The following LTBP2 variants were observed in gnomAD, a reference collection of about 807,000 sequenced individuals.
LTBP2 encodes the protein latent-transforming growth factor beta-binding protein 2.
Under a neutral mutation model 210.6 loss-of-function variants are expected in LTBP2, and 103 were observed. The observed-to-expected ratio is 0.49, with a 90% CI of 0.42 to 0.58. The LOEUF is 0.58. LTBP2 is among the 20% of genes least tolerant of loss of function. The pLI is 0.00. For missense variants in LTBP2, 2,313 were observed against 2,494.5 expected, an observed-to-expected ratio of 0.93 and a Z score of 1.55; for synonymous variants, 1,007 against 1,015.0, an observed-to-expected ratio of 0.99 and a Z score of 0.15.
Position 74,500,023 on chromosome 14 carries a change from A to T in LTBP2, c.*861T>A. 4.3e-6 allele frequency: 1 copy of T among 232,142 alleles called. No individual in the cohort carries two copies. The highest frequency in any genetic ancestry group is 8.5e-6 in the Non-Finnish European group (1 of 117,354). 14.4% of individuals were successfully genotyped at this position (232,142 alleles called of 1,614,324 possible). A position where few individuals can be genotyped will look rare whatever the true frequency, so the allele number is the denominator to read the frequency against. The stretch of plus-strand genomic sequence containing the variant: ...CAGAAGAGGTTTGTTTCCTGTAAGA[A>T]GCAGTGTTTATGTAATAGAGGTCTT... On this transcript the variant is annotated 3_prime_UTR_variant, in exon 36 of 36. Coordinates refer to ENST00000261978, the MANE Select transcript of LTBP2 (RefSeq NM_000428.3).
At chr14:74,590,068 G>A (rs1274716074) in intron 2 of LTBP2, among the ~76,000 whole-genome samples, 1 of 152,200 alleles carries the variant, frequency 6.6e-6, no homozygotes, top group Non-Finnish European at 1.5e-5. Flanking sequence ...CGTCATCAGG[G>A]AAATGCAAAT....
At chr14:74,604,999 A>C (rs2088504380) in intron 1 of LTBP2, among the ~76,000 whole-genome samples, 1 of 152,134 alleles carries the variant, frequency 6.6e-6, no homozygotes, top group Non-Finnish European at 1.5e-5. Flanking sequence ...TCTCCTGGAG[A>C]TCTCTAGGGA....
intron 17 of LTBP2, among the ~76,000 whole-genome samples, chr14:74,517,804 C>T (rs2087154724): frequency 6.6e-6 from 1 of 152,230 alleles, no homozygotes; most frequent in African/African-American, 2.4e-5. Context: ...GGTGTCCCAT[C>T]ATCTAAAGCC....
At chr14:74,592,992 T>C (rs1022392187) in intron 2 of LTBP2, among the ~76,000 whole-genome samples, 2 of 152,026 alleles carry the variant, frequency 1.3e-5, no homozygotes. Flanking sequence ...ATTAGAGAGG[T>C]GGAAAGTCCC....
At chr14:74,593,628 A>C (rs2088313616) in intron 2 of LTBP2, among the ~76,000 whole-genome samples, 1 of 152,220 alleles carries the variant, frequency 6.6e-6, no homozygotes, top group Admixed American at 6.5e-5. Context: ...TTCAGATTAA[A>C]TAAAATTTAA....
intron 28 of LTBP2, 112 bp downstream of exon 28, chr14:74,505,936 G>A: frequency 6.9e-7 from 1 of 1,458,562 alleles, no homozygotes; most frequent in East Asian, 2.3e-5. Flanking sequence ...TGCTGCCCCA[G>A]GCCCTGGCCC....
chr14:74,521,596 G>A (rs141494908), intron 17 of LTBP2, among the ~76,000 whole-genome samples: 76 of 152,272 alleles, frequency 5.0e-4, no homozygotes, highest in South Asian at 4.8e-3. Context: ...CTTGTCACTC[G>A]GAGTTTGGGG....
chr14:74,532,357 C>G, intron 10 of LTBP2, 69 bp downstream of exon 10: 1 of 1,602,188 alleles, frequency 6.2e-7, no homozygotes, highest in African/African-American at 1.3e-5. Context: ...CTGGGCCTGG[C>G]CTGTGGACCT....
chr14:74,577,504 CT>C (rs397948520), intron 3 of LTBP2, among the ~76,000 whole-genome samples: 8,971 of 135,908 alleles, frequency 0.066, 466 homozygotes, highest in African/African-American at 0.16. Context: ...ACCATTATCT[CT>C]TTTTTTTTTT....
chr14:74,578,367 T>C (rs926585052), intron 3 of LTBP2, among the ~76,000 whole-genome samples: 19 of 152,218 alleles, frequency 1.2e-4, no homozygotes, highest in African/African-American at 4.6e-4. Flanking sequence ...TCGTAGAAGA[T>C]GGACATTCAT....
At chr14:74,513,759 C>T (rs1239582653) in intron 18 of LTBP2, among the ~76,000 whole-genome samples, 2 of 152,288 alleles carry the variant, frequency 1.3e-5, no homozygotes, top group East Asian at 3.9e-4. Context: ...GAGCCAAGAT[C>T]ACACCACTGC....
intron 4 of LTBP2, among the ~76,000 whole-genome samples, chr14:74,553,984 C>T (rs1359590522): frequency 7.5e-6 from 1 of 133,004 alleles, no homozygotes; most frequent in Non-Finnish European, 1.6e-5. Context: ...GAGCTGTAAG[C>T]AATTGTACAC....
intron 3 of LTBP2, among the ~76,000 whole-genome samples, chr14:74,585,009 C>A (rs548877898): frequency 1.3e-5 from 2 of 152,174 alleles, no homozygotes; most frequent in Non-Finnish European, 2.9e-5. Context: ...TCAGAAAGAA[C>A]TTCTTAAGCA....
chr14:74,552,135 C>A lies in LTBP2; in HGVS notation c.1399+52G>T, dbSNP rs2139747447. ...TCACAGCCATGGTGACAGCCTCCAC[C>A]CAACTGGCACTCCTCCCAGGGTCCC... On this transcript the variant is annotated intron_variant, in intron 6 of 35. Coordinates refer to ENST00000261978, the MANE Select transcript of LTBP2 (RefSeq NM_000428.3). 5 of 1,523,768 alleles carry A rather than the reference C, an allele frequency of 3.3e-6. No homozygotes were observed. The South Asian group carries it at 3.6e-5, about 11-fold the overall frequency. 94.4% of individuals were successfully genotyped at this position (1,523,768 alleles called of 1,614,324 possible). A position where few individuals can be genotyped will look rare whatever the true frequency, so the allele number is the denominator to read the frequency against.
At chr14:74,594,074 T>C (rs903705613) in intron 2 of LTBP2, among the ~76,000 whole-genome samples, 1 of 152,158 alleles carries the variant, frequency 6.6e-6, no homozygotes, top group African/African-American at 2.4e-5. Context: ...CCCAGTCACT[T>C]GCCCCAGGAC....
chr14:74,564,235 ATATATATTTATATATATT>A (rs2087857547), intron 3 of LTBP2, among the ~76,000 whole-genome samples: 1 of 32,226 alleles, frequency 3.1e-5, no homozygotes, highest in Non-Finnish European at 4.9e-5. Context: ...ATATATATTT[ATATATATTTATATATATT>A]TATATATATT....
Position 74,552,275 on chromosome 14 carries a change from C to A in LTBP2, c.1311G>T (p.Glu437Asp). Residue 437 changes from glutamate (E) to aspartate (D), a missense_variant, in exon 6 of 36, where the codon GAG (glutamate) becomes GAT (aspartate). Around this residue, in one of 3 missense-constraint regions of LTBP2, gnomAD observed 1,867 missense variants for 1,976.9 expected, o/e 0.94. Transcript: ENST00000261978. ...TGGGGCGGGACCCCCTCCCTGGAGG[C>A]TCCCTGTCCGGCTGCGGGATAGGCA... ...CHLPIPQPDR[E>D]PPGRGSRPRA... The A allele has an allele frequency of 6.2e-7, 1 of 1,613,360 alleles. No homozygotes were observed. The highest frequency in any genetic ancestry group is 8.5e-7 in the Non-Finnish European group (1 of 1,179,928).
intron 4 of LTBP2, among the ~76,000 whole-genome samples, chr14:74,555,150 G>A (rs1382853417): frequency 6.6e-6 from 1 of 152,172 alleles, no homozygotes; most frequent in East Asian, 1.9e-4. Flanking sequence ...TGGTTGGGTT[G>A]ATCCAGGAGA....
intron 3 of LTBP2, among the ~76,000 whole-genome samples, chr14:74,574,420 T>C (rs2088027982): frequency 6.6e-6 from 1 of 152,152 alleles, no homozygotes; most frequent in Non-Finnish European, 1.5e-5. Flanking sequence ...TACTCCACTA[T>C]TTGGACACGA....
Sources: gnomAD v4.1 joint callset for allele counts (sites outside exome capture counted in the v4.1 genomes callset) on GRCh38, gnomAD v4.1.1 for gene constraint, gnomAD v4.1.1 regional missense constraint, MANE v1.5 for transcripts, NCBI Gene and HGNC (gene_info 2026-07-23, HGNC 2026-07-21) for gene names.